MARCHF1: variants seen among roughly 807,000 people sequenced by gnomAD.
The protein encoded by MARCHF1 is E3 ubiquitin-protein ligase MARCHF1.
In MARCHF1, 40 loss-of-function variants were observed where a neutral mutation model predicts 54.2. The ratio of observed to expected loss-of-function variants is 0.74; its 90% CI spans 0.57 to 0.96. The LOEUF is 0.96. Among genes scored for constraint, MARCHF1 ranks in the 40% least tolerant of loss-of-function variants. MARCHF1 has a pLI of 0.00. For missense variants in MARCHF1, 586 were observed against 656.5 expected (o/e 0.89, Z 1.17); for synonymous variants, 236 against 236.3 (o/e 1.00, Z 0.01).
At chr4:163,866,138 A>T (rs1750042886) in intron 3 of MARCHF1, among the ~76,000 whole-genome samples, 1 of 151,524 alleles carries the variant, frequency 6.6e-6, no homozygotes. Context: ...TCTAGTATTT[A>T]TGTTTACTTA....
chr4:163,790,022 T>A (rs946545184), intron 4 of MARCHF1, among the ~76,000 whole-genome samples: 6 of 152,110 alleles, frequency 3.9e-5, no homozygotes, highest in Non-Finnish European at 7.4e-5. Context: ...AGTAGGTTCA[T>A]GATAAATAGC....
intron 5 of MARCHF1, among the ~76,000 whole-genome samples, chr4:163,673,503 C>A (rs1743804341): frequency 6.6e-6 from 1 of 151,800 alleles, no homozygotes; most frequent in Non-Finnish European, 1.5e-5. Context: ...TTTTTATACT[C>A]AAACAAAACA....
intron 4 of MARCHF1, among the ~76,000 whole-genome samples, chr4:163,825,818 T>C (rs1468114612): frequency 6.6e-6 from 1 of 152,000 alleles, no homozygotes; most frequent in Non-Finnish European, 1.5e-5. Context: ...TTCAGTGAAA[T>C]GGTAAGATAA....
At chr4:164,168,690 A>ACACAC (rs1560936733) in intron 1 of MARCHF1, among the ~76,000 whole-genome samples, 8 of 151,976 alleles carry the variant, frequency 5.3e-5, no homozygotes, top group African/African-American at 1.9e-4. Flanking sequence ...ACACACACAC[A>ACACAC]AACACATAGA....
intron 1 of MARCHF1, among the ~76,000 whole-genome samples, chr4:164,299,563 T>A (rs1042323445): frequency 6.6e-6 from 1 of 152,170 alleles, no homozygotes; most frequent in Non-Finnish European, 1.5e-5. Flanking sequence ...CCCACCAAAT[T>A]AAATCTGACA....
intron 1 of MARCHF1, among the ~76,000 whole-genome samples, chr4:164,369,751 C>G (rs17044913): frequency 0.1 from 15,369 of 151,948 alleles, 851 homozygotes; most frequent in African/African-American, 0.13. Context: ...AATAAACTAC[C>G]CTATTTAAAG....
intron 3 of MARCHF1, among the ~76,000 whole-genome samples, chr4:163,917,531 C>T (rs1751336263): frequency 6.6e-6 from 1 of 152,120 alleles, no homozygotes; most frequent in Admixed American, 6.6e-5. Context: ...GAGAATCTTT[C>T]CATATGTTTA....
At chr4:163,950,319 G>A (rs1752109741) in intron 3 of MARCHF1, among the ~76,000 whole-genome samples, 1 of 152,216 alleles carries the variant, frequency 6.6e-6, no homozygotes, top group Non-Finnish European at 1.5e-5. Flanking sequence ...AAGGTGGCAG[G>A]GGACTGGCGT....
intron 3 of MARCHF1, among the ~76,000 whole-genome samples, chr4:163,905,241 T>A (rs1412129192): frequency 6.6e-6 from 1 of 151,926 alleles, no homozygotes; most frequent in East Asian, 1.9e-4. Flanking sequence ...TATAAAACAA[T>A]CCTAAATGTC....
At chr4:164,172,185 C>T (rs1013316288) in intron 1 of MARCHF1, among the ~76,000 whole-genome samples, 4 of 152,068 alleles carry the variant, frequency 2.6e-5, no homozygotes, top group Admixed American at 1.3e-4. Context: ...TTCATTATTT[C>T]CCCAGTGCCT....
intron 4 of MARCHF1, among the ~76,000 whole-genome samples, chr4:163,720,333 G>T (rs556010772): frequency 6.6e-6 from 1 of 152,278 alleles, no homozygotes; most frequent in South Asian, 2.1e-4. Context: ...AGATCAGATG[G>T]TTGTAGATGT....
intron 3 of MARCHF1, among the ~76,000 whole-genome samples, chr4:163,982,830 A>G (rs1381284154): frequency 6.6e-6 from 1 of 152,176 alleles, no homozygotes; most frequent in Admixed American, 6.5e-5. Flanking sequence ...GGAGAAAGCA[A>G]GTTTACTTCA....
chr4:163,848,012 A>G (rs1354883659), intron 4 of MARCHF1, among the ~76,000 whole-genome samples: 4 of 152,216 alleles, frequency 2.6e-5, no homozygotes, highest in Non-Finnish European at 5.9e-5. Flanking sequence ...AACTCTTAAC[A>G]GTCCTATTTT....
chr4:164,138,252 G>C (rs149087980), intron 1 of MARCHF1, among the ~76,000 whole-genome samples: 2 of 150,284 alleles, frequency 1.3e-5, no homozygotes. Flanking sequence ...GTAACGTTAA[G>C]TTTCTTTTTT....
At chr4:164,000,363 T>C (rs1423346156) in intron 2 of MARCHF1, among the ~76,000 whole-genome samples, 3 of 151,796 alleles carry the variant, frequency 2.0e-5, no homozygotes, top group African/African-American at 7.2e-5. Flanking sequence ...CTTGAAAGTC[T>C]TAACAGATGG....
intron 4 of MARCHF1, among the ~76,000 whole-genome samples, chr4:163,735,239 C>T (rs1746001622): frequency 6.6e-6 from 1 of 152,090 alleles, no homozygotes; most frequent in South Asian, 2.1e-4. Context: ...CCCAATCCAC[C>T]TATCTCCCTG....
intron 7 of MARCHF1, among the ~76,000 whole-genome samples, chr4:163,593,438 T>C (rs1740656245): frequency 6.6e-6 from 1 of 152,180 alleles, no homozygotes; most frequent in Admixed American, 6.6e-5. Flanking sequence ...AAGAAATATA[T>C]ATGGTCAGAT....
At chr4:164,334,320 T>C (rs1729670585) in intron 1 of MARCHF1, among the ~76,000 whole-genome samples, 1 of 152,190 alleles carries the variant, frequency 6.6e-6, no homozygotes, top group Admixed American at 6.5e-5. Context: ...AGGCTGACTC[T>C]TTTGTTAGGG....
At chr4:164,326,866 G>C (rs1265485581) in intron 1 of MARCHF1, among the ~76,000 whole-genome samples, 1 of 151,458 alleles carries the variant, frequency 6.6e-6, no homozygotes, top group Non-Finnish European at 1.5e-5. Context: ...GTGACCCTAG[G>C]TATTTTTCTT....
Sources: gnomAD v4.1 joint callset for allele counts (sites outside exome capture counted in the v4.1 genomes callset) on GRCh38, gnomAD v4.1.1 for gene constraint, MANE v1.5 for transcripts, NCBI Gene and HGNC (gene_info 2026-07-23, HGNC 2026-07-21) for gene names.